PRKAR2A: variants seen among roughly 807,000 people sequenced by gnomAD.
PRKAR2A encodes protein kinase cAMP-dependent type II regulatory subunit alpha.
A neutral mutation model predicts 51.9 loss-of-function variants in PRKAR2A; 29 were observed. The observed-to-expected ratio is 0.56, with a 90% CI of 0.42 to 0.76. PRKAR2A has a LOEUF of 0.76. Among genes scored for constraint, PRKAR2A ranks in the 30% least tolerant of loss-of-function variants. The pLI is 0.00. For synonymous variants in PRKAR2A, 178 were observed against 186.2 expected, an observed-to-expected ratio of 0.96 and a Z score of 0.36; for missense variants, 445 against 512.1, an observed-to-expected ratio of 0.87 and a Z score of 1.26.
At chr3:48,839,920 G>A (rs908053237) in intron 1 of PRKAR2A, among the ~76,000 whole-genome samples, 2 of 152,096 alleles carry the variant, frequency 1.3e-5, no homozygotes, top group Admixed American at 6.6e-5. Flanking sequence ...ACAATTCAGT[G>A]TCATTAAGTA....
chr3:48,769,855 G>A (rs1025243138), intron 6 of PRKAR2A, among the ~76,000 whole-genome samples: 2 of 151,922 alleles, frequency 1.3e-5, no homozygotes, highest in African/African-American at 4.8e-5. Flanking sequence ...ACAGCTCACT[G>A]CAGCCTTGAC....
chr3:48,777,398 A>C lies in PRKAR2A; in HGVS notation c.543-4290T>G, dbSNP rs2082121830. Among the ~76,000 whole-genome samples the C allele has an allele frequency of 2.6e-5, 4 of 152,036 alleles. No individual in the cohort carries two copies. In the South Asian group the frequency reaches 8.3e-4, roughly 32 times the overall value. On this transcript the variant is annotated intron_variant, in intron 5 of 10. Coordinates refer to ENST00000265563, the MANE Select transcript of PRKAR2A (RefSeq NM_004157.4). ...TCAGATTATGCCTAAATTAATTTCTATCCTGTTTGTATTTTATTTTATTTT... is the reference window on the plus strand; with the variant it reads ...TCAGATTATGCCTAAATTAATTTCTCTCCTGTTTGTATTTTATTTTATTTT...
chr3:48,824,434 A>G (rs1441128810), intron 1 of PRKAR2A, among the ~76,000 whole-genome samples: 1 of 152,042 alleles, frequency 6.6e-6, no homozygotes, highest in East Asian at 1.9e-4. Flanking sequence ...TGAAAAAACT[A>G]CCTATCCAGG....
intron 3 of PRKAR2A, 65 bp downstream of exon 3, chr3:48,793,932 T>C: frequency 2.4e-6 from 3 of 1,230,170 alleles, no homozygotes; most frequent in Non-Finnish European, 2.4e-6. Flanking sequence ...GTTTTTGGTA[T>C]GTAGAGAAGG....
intron 5 of PRKAR2A, among the ~76,000 whole-genome samples, chr3:48,776,414 G>A (rs2107267932): frequency 6.6e-6 from 1 of 152,206 alleles, no homozygotes; most frequent in Non-Finnish European, 1.5e-5. Context: ...AAAACTATAT[G>A]TAATTTCATC....
intron 1 of PRKAR2A, among the ~76,000 whole-genome samples, chr3:48,825,508 G>C (rs1191305529): frequency 6.6e-6 from 1 of 152,098 alleles, no homozygotes; most frequent in Non-Finnish European, 1.5e-5. Flanking sequence ...GCTGGGCATG[G>C]TGGCATGCGC....
At chr3:48,823,292 A>G (rs1246783454) in intron 1 of PRKAR2A, among the ~76,000 whole-genome samples, 2 of 151,948 alleles carry the variant, frequency 1.3e-5, no homozygotes, top group Non-Finnish European at 2.9e-5. Flanking sequence ...CAGAACTCAT[A>G]CTTGGGACTG....
rs1368549079 is a variant in PRKAR2A, at chr3:48,813,220, C to A, written c.263-5536G>T. Among the ~76,000 whole-genome samples, 8 of 147,684 alleles carry A rather than the reference C, an allele frequency of 5.4e-5. 1 individual carries two copies. In the East Asian group the frequency reaches 1.6e-3, roughly 29 times the overall value. ...GACCAACCTGGGCAAGGTGGCAAGA[C>A]CCTATCTCTACCAAAAAAAAAAAAA... On this transcript the variant is annotated intron_variant, in intron 1 of 10. Transcript: ENST00000265563.
Position 48,839,422 on chromosome 3 carries a change from TGA to T in PRKAR2A, c.262+7911_262+7912del, listed in dbSNP as rs1349058864. The stretch of plus-strand genomic sequence containing the variant: ...ACCTAAAAAAAAAAAAAAAAAATGC[TGA>T]GAGACCGGCAAGTATAAATGCTTTA... On this transcript the variant is annotated intron_variant, in intron 1 of 10. Coordinates refer to ENST00000265563, the MANE Select transcript of PRKAR2A (RefSeq NM_004157.4). Among the ~76,000 whole-genome samples the T allele has an allele frequency of 2.7e-5, 4 of 150,626 alleles. No homozygotes were observed. The East Asian group carries it at 5.8e-4, about 22-fold the overall frequency.
At chr3:48,839,605 A>T (rs940965153) in intron 1 of PRKAR2A, among the ~76,000 whole-genome samples, 1 of 152,198 alleles carries the variant, frequency 6.6e-6, no homozygotes, top group Admixed American at 6.5e-5. Flanking sequence ...GTTTGATATT[A>T]AAGCTGTTAT....
intron 5 of PRKAR2A, among the ~76,000 whole-genome samples, chr3:48,776,278 T>C (rs2082103932): frequency 6.6e-6 from 1 of 152,148 alleles, no homozygotes; most frequent in East Asian, 1.9e-4. Context: ...TTAAAGCTTA[T>C]AGCAAATGCC....
intron 5 of PRKAR2A, among the ~76,000 whole-genome samples, chr3:48,774,144 C>A (rs894070806): frequency 6.6e-6 from 1 of 151,656 alleles, no homozygotes; most frequent in Non-Finnish European, 1.5e-5. Flanking sequence ...AATTTTTTTT[C>A]TTTTATTAAT....
intron 1 of PRKAR2A, among the ~76,000 whole-genome samples, chr3:48,830,064 A>G (rs1466168073): frequency 6.6e-6 from 1 of 151,230 alleles, no homozygotes; most frequent in African/African-American, 2.4e-5. Context: ...TTAGCCGGGC[A>G]TGGTGGCACA....
At chr3:48,772,371 C>G (rs2082041146) in intron 6 of PRKAR2A, among the ~76,000 whole-genome samples, 1 of 151,720 alleles carries the variant, frequency 6.6e-6, no homozygotes, top group Non-Finnish European at 1.5e-5. Flanking sequence ...CATGACTGGC[C>G]AATTTTCATA....
chr3:48,814,163 A>C (rs2082831455), intron 1 of PRKAR2A, among the ~76,000 whole-genome samples: 1 of 151,738 alleles, frequency 6.6e-6, no homozygotes, highest in Non-Finnish European at 1.5e-5. Context: ...CAGGAAAATC[A>C]CTTGAACCCA....
Position 48,765,060 on chromosome 3 carries a change from T to C in PRKAR2A, c.817A>G (p.Ile273Val). The C allele has an allele frequency of 6.2e-7, 1 of 1,614,132 alleles. No individual in the cohort carries two copies. The highest frequency in any genetic ancestry group is 1.1e-5 in the South Asian group (1 of 91,078). ...ATCTTCTCTCCTATTACATCCACAATCTTCATTCGTTCTGACACCTGAAAC... is the reference window on the plus strand; with the variant it reads ...ATCTTCTCTCCTATTACATCCACAACCTTCATTCGTTCTGACACCTGAAAC... ...KSLEVSERMK[I>V]VDVIGEKIYK... is the part of the protein sequence containing the mutation. Residue 273 changes from isoleucine to valine, a missense_variant, in exon 8 of 11, where the codon ATT becomes GTT. By Grantham distance (29) the Ile-to-Val change is conservative (BLOSUM62 3). Transcript: ENST00000265563.
intron 5 of PRKAR2A, among the ~76,000 whole-genome samples, chr3:48,781,657 C>T (rs1448409416): frequency 6.6e-6 from 1 of 152,132 alleles, no homozygotes; most frequent in East Asian, 1.9e-4. Flanking sequence ...GGACTACAGG[C>T]GCGTGCCACC....
At chr3:48,846,071 G>C (rs2107477345) in intron 1 of PRKAR2A, among the ~76,000 whole-genome samples, 1 of 152,210 alleles carries the variant, frequency 6.6e-6, no homozygotes, top group South Asian at 2.1e-4. Flanking sequence ...TCTTGGAGAA[G>C]GTTTACTATT....
chr3:48,843,259 C>T (rs2083408113), intron 1 of PRKAR2A, among the ~76,000 whole-genome samples: 1 of 151,692 alleles, frequency 6.6e-6, no homozygotes, highest in Non-Finnish European at 1.5e-5. Flanking sequence ...TGGTGATATC[C>T]CCTTTATCAT....
Sources: allele counts gnomAD v4.1 joint callset (sites outside exome capture counted in the v4.1 genomes callset), GRCh38; gene constraint gnomAD v4.1.1; transcripts MANE v1.5; gene names NCBI Gene and HGNC (gene_info 2026-07-23, HGNC 2026-07-21).